The following BCKDHB variants were observed in gnomAD, a reference collection of about 807,000 sequenced individuals.
BCKDHB encodes 2-oxoisovalerate dehydrogenase subunit beta, mitochondrial.
A neutral mutation model predicts 48.5 loss-of-function variants in BCKDHB; 41 were observed. The observed-to-expected ratio is 0.85, with a 90% confidence interval of 0.66 to 1.10. The LOEUF is 1.10. BCKDHB is among the 50% of genes least tolerant of loss of function. The probability of loss-of-function intolerance (pLI) is 0.00; values close to 1 mark genes in which losing one functional copy is unlikely to be tolerated. For synonymous variants in BCKDHB, 201 were observed against 174.8 expected (o/e 1.15, Z -1.18); for missense variants, 496 against 494.2 (o/e 1.00, Z -0.03).
chr6:80,390,616 G>A, the BCKDHB span, among the ~76,000 whole-genome samples: 1 of 152,132 alleles, frequency 6.6e-6, no homozygotes, highest in Non-Finnish European at 1.5e-5. Flanking sequence ...ATAGCATTTG[G>A]GTTGGGGATT....
the BCKDHB span, among the ~76,000 whole-genome samples, chr6:80,384,086 G>T: frequency 1.3e-5 from 2 of 151,962 alleles, no homozygotes; most frequent in Non-Finnish European, 2.9e-5. Context: ...CAACTTGATC[G>T]GATTGAAGGA....
chr6:80,267,630 A>T (rs998638303), intron 8 of BCKDHB, among the ~76,000 whole-genome samples: 3 of 152,112 alleles, frequency 2.0e-5, no homozygotes, highest in African/African-American at 7.2e-5. Context: ...TGGAAAGGTA[A>T]GGTCGATTAA....
intron 8 of BCKDHB, among the ~76,000 whole-genome samples, chr6:80,262,218 T>G (rs1777335781): frequency 6.6e-6 from 1 of 152,166 alleles, no homozygotes; most frequent in Admixed American, 6.6e-5. Flanking sequence ...GTGGAAGGGA[T>G]TTAAAGGCAG....
chr6:80,425,460 A>G, the BCKDHB span, among the ~76,000 whole-genome samples: 2 of 152,200 alleles, frequency 1.3e-5, no homozygotes, highest in African/African-American at 4.8e-5. Flanking sequence ...TGCTCTTTAC[A>G]GCATTTTTCA....
At chr6:80,108,065 C>T (rs1021576498) in intron 1 of BCKDHB, among the ~76,000 whole-genome samples, 6 of 152,072 alleles carry the variant, frequency 3.9e-5, no homozygotes, top group African/African-American at 1.4e-4. Flanking sequence ...TTAGGACAAC[C>T]TTAAAAGGTT....
At chr6:80,152,894 G>C (rs919389169) in intron 3 of BCKDHB, among the ~76,000 whole-genome samples, 1 of 152,142 alleles carries the variant, frequency 6.6e-6, no homozygotes, top group African/African-American at 2.4e-5. Context: ...GGACCCTTGA[G>C]GGGGCTAGTG....
chr6:80,270,464 A>G (rs1777689772), intron 8 of BCKDHB, among the ~76,000 whole-genome samples: 1 of 152,044 alleles, frequency 6.6e-6, no homozygotes, highest in Non-Finnish European at 1.5e-5. Flanking sequence ...TTCTTGCTGC[A>G]CTATTTTTGT....
At chr6:80,146,813 G>A (rs2127748630) in intron 3 of BCKDHB, among the ~76,000 whole-genome samples, 1 of 152,242 alleles carries the variant, frequency 6.6e-6, no homozygotes, top group East Asian at 1.9e-4. Context: ...CCACCTGGAA[G>A]AATCTGGAGG....
At chr6:80,433,768 A>AT in the BCKDHB span, among the ~76,000 whole-genome samples, 1,221 of 151,934 alleles carry the variant, frequency 8.0e-3, 20 homozygotes, top group African/African-American at 0.027. Flanking sequence ...TGATTTTAAG[A>AT]TTTTTTAAAA....
chr6:80,326,057 G>T (rs7747327), intron 9 of BCKDHB, among the ~76,000 whole-genome samples: 53,673 of 152,014 alleles, frequency 0.35, 9,658 homozygotes, highest in African/African-American at 0.4. Flanking sequence ...GTCAATACTG[G>T]TTCATTAATT....
intron 1 of BCKDHB, among the ~76,000 whole-genome samples, chr6:80,114,838 T>C (rs776749854): frequency 6.6e-6 from 1 of 152,146 alleles, no homozygotes; most frequent in Non-Finnish European, 1.5e-5. Context: ...AGATAACCAT[T>C]TGGGAGTCAC....
intron 8 of BCKDHB, among the ~76,000 whole-genome samples, chr6:80,224,968 GT>G (rs1235073364): frequency 3.3e-5 from 5 of 152,170 alleles, no homozygotes; most frequent in African/African-American, 1.2e-4. Flanking sequence ...GGTTCTAGTT[GT>G]TACAGTTTTC....
chr6:80,342,556 G>GAGAA (rs1554216142), intron 9 of BCKDHB, among the ~76,000 whole-genome samples: 10 of 24,096 alleles, frequency 4.2e-4, no homozygotes, highest in Non-Finnish European at 7.4e-4. Flanking sequence ...CCTCATTTCT[G>GAGAA]AAAAAAAAAA....
At chr6:80,393,308 C>T in the BCKDHB span, among the ~76,000 whole-genome samples, 1 of 152,112 alleles carries the variant, frequency 6.6e-6, no homozygotes, top group Admixed American at 6.6e-5. Flanking sequence ...ATGTGTCCCT[C>T]CAAAATTCAT....
At chr6:80,116,997 AAT>A (rs960857610) in intron 1 of BCKDHB, among the ~76,000 whole-genome samples, 26 of 152,284 alleles carry the variant, frequency 1.7e-4, no homozygotes, top group East Asian at 7.7e-4. Context: ...CTCTAAGGAA[AAT>A]ATATATTAAA....
chr6:80,409,990 T>C, the BCKDHB span, among the ~76,000 whole-genome samples: 75 of 152,264 alleles, frequency 4.9e-4, no homozygotes, highest in Admixed American at 9.2e-4. Context: ...CCTCTCACTA[T>C]GATGTTAGCT....
Position 80,343,749 on chromosome 6 carries a change from A to G in BCKDHB, c.1124A>G (p.Tyr375Cys), listed in dbSNP as rs1241592737. 6.8e-6 allele frequency: 11 copies of G among 1,614,016 alleles called. No individual in the cohort carries two copies. Among genetic ancestry groups the G allele is most frequent in the Non-Finnish European group, 9.3e-6 (11 of 1,179,974 alleles). ...TTTCCTCACATTTTTGAACCATTCTACATCCCAGACAAATGGAAGTGTTAT... is the reference window on the plus strand; with the variant it reads ...TTTCCTCACATTTTTGAACCATTCTGCATCCCAGACAAATGGAAGTGTTAT... ...TPFPHIFEPFYIPDKWKCYDA... is the reference protein window; with the variant it reads ...TPFPHIFEPFCIPDKWKCYDA... Residue 375 changes from tyrosine to cysteine, a missense_variant, in exon 10 of 10, where the codon TAC becomes TGC. Transcript: ENST00000320393.
intron 3 of BCKDHB, among the ~76,000 whole-genome samples, chr6:80,150,331 C>T (rs1344051126): frequency 4.6e-5 from 7 of 152,008 alleles, no homozygotes; most frequent in African/African-American, 9.7e-5. Flanking sequence ...TTGTCTCCCA[C>T]GATGCCCATA....
chr6:80,323,431 C>T (rs1328023026), intron 9 of BCKDHB, among the ~76,000 whole-genome samples: 1 of 151,996 alleles, frequency 6.6e-6, no homozygotes, highest in East Asian at 1.9e-4. Flanking sequence ...ACATAGATAT[C>T]GCCTCCCAAC....
Sources: allele counts gnomAD v4.1 joint callset (sites outside exome capture counted in the v4.1 genomes callset), GRCh38; gene constraint gnomAD v4.1.1; transcripts MANE v1.5; gene names NCBI Gene and HGNC (gene_info 2026-07-23, HGNC 2026-07-21).